Variants in CSMD3 observed in about 807,000 individuals in gnomAD.
The protein encoded by CSMD3 is CUB and sushi domain-containing protein 3.
In CSMD3, 177 loss-of-function variants were observed where a neutral mutation model predicts 435.2. The observed-to-expected ratio is 0.41, with a 90% CI of 0.36 to 0.46. CSMD3 has a LOEUF of 0.46. Ranked by LOEUF, CSMD3 falls within the 20% of genes least tolerant of loss-of-function variation. The pLI is 0.34. For missense variants in CSMD3, 4,265 were observed against 4,504.6 expected, an observed-to-expected ratio of 0.95 and a Z score of 1.52; for synonymous variants, 1,656 against 1,520.5, an observed-to-expected ratio of 1.09 and a Z score of -2.07.
intron 5 of CSMD3, among the ~76,000 whole-genome samples, chr8:113,093,094 G>A (rs2090057516): frequency 1.3e-5 from 2 of 152,096 alleles, no homozygotes; most frequent in African/African-American, 4.8e-5. Flanking sequence ...AAATGTTCAG[G>A]GCTAGGCATT....
At chr8:112,689,449 GC>G (rs1337188664) in intron 14 of CSMD3, among the ~76,000 whole-genome samples, 1 of 151,778 alleles carries the variant, frequency 6.6e-6, no homozygotes, top group Non-Finnish European at 1.5e-5. Flanking sequence ...ACATCTACAA[GC>G]AAAAATAAGT....
At chr8:113,204,646 A>G (rs1170219248) in intron 3 of CSMD3, among the ~76,000 whole-genome samples, 1 of 152,150 alleles carries the variant, frequency 6.6e-6, no homozygotes, top group Non-Finnish European at 1.5e-5. Context: ...TACAAGCTCC[A>G]TTCATGGTAA....
At chr8:112,630,907 T>C (rs1228186569) in intron 22 of CSMD3, among the ~76,000 whole-genome samples, 1 of 149,688 alleles carries the variant, frequency 6.7e-6, no homozygotes, top group African/African-American at 2.5e-5. Context: ...TTTGAGATGG[T>C]TGAGAATTAT....
intron 13 of CSMD3, among the ~76,000 whole-genome samples, chr8:112,786,543 T>C (rs2078543687): frequency 6.6e-6 from 1 of 151,464 alleles, no homozygotes; most frequent in African/African-American, 2.4e-5. Context: ...AACTAGAATA[T>C]ATATACAACT....
chr8:112,524,932 T>A (rs1292188369), intron 27 of CSMD3, among the ~76,000 whole-genome samples: 2 of 152,016 alleles, frequency 1.3e-5, no homozygotes, highest in Non-Finnish European at 2.9e-5. Flanking sequence ...CTTTTTACTA[T>A]TTTTTCTAAA....
chr8:113,211,634 A>G (rs1215405213), intron 3 of CSMD3, among the ~76,000 whole-genome samples: 1 of 152,138 alleles, frequency 6.6e-6, no homozygotes, highest in Non-Finnish European at 1.5e-5. Context: ...GGTTGCAGTG[A>G]GCCGAGATCG....
chr8:112,910,276 G>C (rs1229470546), intron 10 of CSMD3, among the ~76,000 whole-genome samples: 4 of 151,682 alleles, frequency 2.6e-5, no homozygotes, highest in Non-Finnish European at 5.9e-5. Flanking sequence ...ATAAGATCCT[G>C]TTTCTCAGTG....
intron 3 of CSMD3, among the ~76,000 whole-genome samples, chr8:113,177,321 T>C (rs1054933674): frequency 6.6e-6 from 1 of 150,478 alleles, no homozygotes; most frequent in Non-Finnish European, 1.5e-5. Context: ...TAATGAAGAA[T>C]TTTTTTGTAA....
intron 3 of CSMD3, among the ~76,000 whole-genome samples, chr8:113,272,391 T>C (rs2132425318): frequency 6.6e-6 from 1 of 152,330 alleles, no homozygotes; most frequent in East Asian, 1.9e-4. Context: ...ATTTAAATCA[T>C]GGGAGCAGTT....
chr8:113,080,787 C>T (rs937883524), intron 5 of CSMD3, among the ~76,000 whole-genome samples: 4 of 152,124 alleles, frequency 2.6e-5, no homozygotes, highest in Admixed American at 2.0e-4. Flanking sequence ...GAATGTATTT[C>T]CTTCAGTTCT....
chr8:113,049,048 G>C (rs2087966764), intron 5 of CSMD3, among the ~76,000 whole-genome samples: 1 of 151,996 alleles, frequency 6.6e-6, no homozygotes, highest in Non-Finnish European at 1.5e-5. Context: ...AGACCAGCGT[G>C]GTCAACATAG....
At chr8:113,353,009 G>C (rs1172092628) in intron 1 of CSMD3, among the ~76,000 whole-genome samples, 1 of 152,140 alleles carries the variant, frequency 6.6e-6, no homozygotes, top group Non-Finnish European at 1.5e-5. Context: ...AAGCTAAAAT[G>C]ATGGAAGGAA....
chr8:113,280,648 A>G (rs922274684), intron 2 of CSMD3, among the ~76,000 whole-genome samples: 6 of 151,334 alleles, frequency 4.0e-5, no homozygotes, highest in Non-Finnish European at 8.9e-5. Flanking sequence ...TTTTGTTTCA[A>G]TTTCATTTGG....
chr8:112,967,685 C>A (rs1203508742), intron 7 of CSMD3, among the ~76,000 whole-genome samples: 1 of 151,808 alleles, frequency 6.6e-6, no homozygotes, highest in East Asian at 1.9e-4. Flanking sequence ...GCCCTTATTA[C>A]CATCAGACAA....
At chr8:112,631,469 A>C (rs2131557946) in intron 22 of CSMD3, among the ~76,000 whole-genome samples, 1 of 152,160 alleles carries the variant, frequency 6.6e-6, no homozygotes, top group African/African-American at 2.4e-5. Context: ...ATAAGGTAAT[A>C]AATGAATGTT....
At chr8:112,237,475 C>T (rs1049791884) in intron 66 of CSMD3, 127 bp from the exon 67 acceptor site, 1 of 717,596 alleles carries the variant, frequency 1.4e-6, no homozygotes. Context: ...ATGTGTGTTA[C>T]AAAATTAATT....
intron 1 of CSMD3, among the ~76,000 whole-genome samples, chr8:113,315,879 C>T (rs1034425347): frequency 3.3e-5 from 5 of 151,546 alleles, no homozygotes; most frequent in African/African-American, 4.8e-5. Context: ...CCACCACGCC[C>T]GGCTAATTTT....
At chr8:113,369,847 C>CA (rs558270181) in intron 1 of CSMD3, among the ~76,000 whole-genome samples, 1 of 151,592 alleles carries the variant, frequency 6.6e-6, no homozygotes, top group Non-Finnish European at 1.5e-5. Flanking sequence ...CATGTAGAAT[C>CA]AAAAAAAGTT....
At chr8:113,091,014 A>G (rs1336377302) in intron 5 of CSMD3, among the ~76,000 whole-genome samples, 2 of 152,130 alleles carry the variant, frequency 1.3e-5, no homozygotes, top group African/African-American at 2.4e-5. Context: ...TGGTCACTGC[A>G]CTTATAAACT....
Sources: allele counts gnomAD v4.1 joint callset (sites outside exome capture counted in the v4.1 genomes callset), GRCh38; gene constraint gnomAD v4.1.1; transcripts MANE v1.5; gene names NCBI Gene and HGNC (gene_info 2026-07-23, HGNC 2026-07-21).